LIPA: variants seen among roughly 807,000 people sequenced by gnomAD.
LIPA encodes lysosomal acid lipase/cholesteryl ester hydrolase.
LIPA carries 26 observed loss-of-function variants against 40.6 expected under a neutral mutation model. The observed-to-expected ratio is 0.64, with a 90% CI of 0.47 to 0.89. The LOEUF is 0.89. Ranked by LOEUF, LIPA falls within the 40% of genes least tolerant of loss-of-function variation. The pLI is 0.00. For missense variants in LIPA, 455 were observed against 479.6 expected (o/e 0.95, Z 0.48); for synonymous variants, 188 against 168.4 (o/e 1.12, Z -0.90).
At chr10:89,388,281 T>C (rs1844223259) in intron 2 of LIPA, among the ~76,000 whole-genome samples, 2 of 152,094 alleles carry the variant, frequency 1.3e-5, no homozygotes, top group South Asian at 4.1e-4. Context: ...AATTTTTGTA[T>C]TTTCAGTAGA....
At chr10:89,285,525 G>C (rs1023448535) in intron 1 of LIPA, among the ~76,000 whole-genome samples, 2 of 152,104 alleles carry the variant, frequency 1.3e-5, no homozygotes, top group South Asian at 2.1e-4. Context: ...CATTTCATTG[G>C]TGTCTGATCA....
rs186206474 is a variant in LIPA at position 89,320,180 on chromosome 10, A to C, written c.-2+22431T>G. ...CACAAGACAGGGATGCCCTCTCTCA[A>C]CACTCCTATTCAAAACAGTGTTGGA... On this transcript the variant is annotated intron_variant, in intron 1 of 5. Transcript: ENST00000282673. 1.7e-3 allele frequency among the ~76,000 whole-genome samples: 266 copies of C among 152,274 alleles called. 3 individuals are homozygous for C. The highest frequency in any genetic ancestry group is 5.9e-3 in the African/African-American group (244 of 41,570).
At chr10:89,279,965 C>T (rs1352194015) in intron 1 of LIPA, among the ~76,000 whole-genome samples, 2 of 152,136 alleles carry the variant, frequency 1.3e-5, no homozygotes, top group African/African-American at 4.8e-5. Flanking sequence ...GTGATATTCA[C>T]TTCAACATTG....
At chr10:89,361,483 T>C (rs895606114) in intron 2 of LIPA, among the ~76,000 whole-genome samples, 4 of 152,212 alleles carry the variant, frequency 2.6e-5, no homozygotes, top group Non-Finnish European at 4.4e-5. Context: ...AGCTTCTCCT[T>C]GCCCCAGGTT....
At chr10:89,256,809 C>A (rs1843183572) in intron 1 of LIPA, among the ~76,000 whole-genome samples, 1 of 152,174 alleles carries the variant, frequency 6.6e-6, no homozygotes, top group Non-Finnish European at 1.5e-5. Context: ...GAAAATATAA[C>A]CACGAGGTTC....
At chr10:89,244,586 A>AAAT (rs1554868851) in intron 3 of LIPA, among the ~76,000 whole-genome samples, 13 of 152,052 alleles carry the variant, frequency 8.5e-5, no homozygotes, top group Non-Finnish European at 1.5e-4. Context: ...CCGTCTCAAA[A>AAAT]AAATAAATAA....
intron 1 of LIPA, chr10:89,307,587 G>C: frequency 2.1e-6 from 1 of 472,640 alleles, no homozygotes; most frequent in Admixed American, 3.6e-5. Flanking sequence ...TGGGGGGTAG[G>C]TCCACGGGCT....
chr10:89,239,720 A>G (rs948126251), intron 3 of LIPA, among the ~76,000 whole-genome samples: 21 of 152,254 alleles, frequency 1.4e-4, no homozygotes, highest in African/African-American at 4.8e-4. Context: ...AGAACGTTCC[A>G]GGACATTATC....
intron 1 of LIPA, among the ~76,000 whole-genome samples, chr10:89,330,208 C>G (rs1229901823): frequency 6.6e-6 from 1 of 152,212 alleles, no homozygotes; most frequent in African/African-American, 2.4e-5. Context: ...ACGTTTTACG[C>G]ATGACCTCAT....
chr10:89,301,783 A>G (rs1236127771), intron 1 of LIPA, among the ~76,000 whole-genome samples: 1 of 152,230 alleles, frequency 6.6e-6, no homozygotes, highest in Non-Finnish European at 1.5e-5. Flanking sequence ...GACAGTGCAC[A>G]AGAGCAATGT....
At chr10:89,255,182 T>C (rs778514979), upstream of LIPA, among the ~76,000 whole-genome samples, 11 of 152,304 alleles carry the variant, frequency 7.2e-5, no homozygotes, top group South Asian at 2.3e-3. Flanking sequence ...ATGCTGCTAA[T>C]AAAGACATAC....
Position 89,216,070 on chromosome 10 carries a change from G to C in LIPA, c.895-61C>G, listed in dbSNP as rs913050558. The C allele has an allele frequency of 4.5e-6, 5 of 1,118,426 alleles. No individual in the cohort carries two copies. The Admixed American group carries it at 6.7e-5, about 15-fold the overall frequency. The allele number at this position is 1,118,426 out of a possible 1,614,324, so 69.3% of individuals were successfully genotyped here. Reference sequence around the variant, plus strand: ...CACCAAAGTTAGAGATAACATCATAGGTTGCTGGAGCTAGCCACAACCTCG... The same window carrying C: ...CACCAAAGTTAGAGATAACATCATACGTTGCTGGAGCTAGCCACAACCTCG... On this transcript the variant is annotated intron_variant, in intron 8 of 9. Coordinates refer to ENST00000336233, the MANE Select transcript of LIPA (RefSeq NM_000235.4).
chr10:89,311,252 G>T (rs1843513725), intron 1 of LIPA, among the ~76,000 whole-genome samples: 1 of 152,102 alleles, frequency 6.6e-6, no homozygotes, highest in South Asian at 2.1e-4. Context: ...GCTGGGCGTG[G>T]TGGCTCAAGC....
chr10:89,397,968 C>T (rs879511558), intron 2 of LIPA, among the ~76,000 whole-genome samples: 1 of 152,194 alleles, frequency 6.6e-6, no homozygotes, highest in Admixed American at 6.5e-5. Context: ...AGTTCTATGA[C>T]ATTAAATACA....
At chr10:89,394,557 G>A (rs1844305386) in intron 2 of LIPA, among the ~76,000 whole-genome samples, 1 of 137,110 alleles carries the variant, frequency 7.3e-6, no homozygotes, top group Non-Finnish European at 1.5e-5. Context: ...TTATGTTTAT[G>A]TCAATATGTA....
intron 1 of LIPA, among the ~76,000 whole-genome samples, chr10:89,319,343 GAATCAAATA>G (rs1843558489): frequency 6.6e-6 from 1 of 151,956 alleles, no homozygotes; most frequent in African/African-American, 2.4e-5. Context: ...AAAGAGAGAA[GAATCAAATA>G]GATGCAATTA....
At chr10:89,272,416 A>G (rs2133493301) in intron 1 of LIPA, among the ~76,000 whole-genome samples, 1 of 152,364 alleles carries the variant, frequency 6.6e-6, no homozygotes, top group East Asian at 1.9e-4. Flanking sequence ...TGTCCCTGCA[A>G]AAGACATGAT....
At chr10:89,313,405 GAT>G (rs1472031825) in intron 1 of LIPA, among the ~76,000 whole-genome samples, 1 of 152,256 alleles carries the variant, frequency 6.6e-6, no homozygotes, top group East Asian at 1.9e-4. Context: ...TGAGATCTCA[GAT>G]AAGAAAATCT....
chr10:89,293,411 C>T (rs1362883818), intron 1 of LIPA, among the ~76,000 whole-genome samples: 1 of 152,162 alleles, frequency 6.6e-6, no homozygotes, highest in Non-Finnish European at 1.5e-5. Context: ...CTTTTCTCCA[C>T]CCATATGTAA....
Sources: gnomAD v4.1 joint callset for allele counts (sites outside exome capture counted in the v4.1 genomes callset) on GRCh38, gnomAD v4.1.1 for gene constraint, MANE v1.5 for transcripts, NCBI Gene and HGNC (gene_info 2026-07-23, HGNC 2026-07-21) for gene names.